BTRC: variants seen among roughly 807,000 people sequenced by gnomAD.
The protein encoded by BTRC is beta-transducin repeat containing E3 ubiquitin protein ligase.
BTRC carries 42 observed loss-of-function variants against 85.5 expected under a neutral mutation model. The ratio of observed to expected loss-of-function variants is 0.49; its 90% CI spans 0.38 to 0.64. BTRC has a LOEUF of 0.64. Ranked by LOEUF, BTRC falls within the 30% of genes least tolerant of loss-of-function variation. BTRC has a pLI of 0.00. For missense variants in BTRC, 594 were observed against 743.5 expected (o/e 0.80, Z 2.34); for synonymous variants, 255 against 263.3 (o/e 0.97, Z 0.30).
At chr10:101,545,012 C>T (rs1468482484) in intron 13 of BTRC, among the ~76,000 whole-genome samples, 1 of 151,056 alleles carries the variant, frequency 6.6e-6, no homozygotes, top group Non-Finnish European at 1.5e-5. Context: ...ACAGATATGC[C>T]ACTGCACTCC....
At chr10:101,404,338 C>T (rs747960816) in intron 1 of BTRC, among the ~76,000 whole-genome samples, 2 of 151,812 alleles carry the variant, frequency 1.3e-5, no homozygotes, top group East Asian at 3.9e-4. Flanking sequence ...CCAATCCTAG[C>T]TATATTACAG....
chr10:101,355,055 T>C (rs1248029896), intron 1 of BTRC, among the ~76,000 whole-genome samples: 1 of 152,024 alleles, frequency 6.6e-6, no homozygotes, highest in African/African-American at 2.4e-5. Context: ...CAGGGAAACA[T>C]GGGTACAGGA....
intron 1 of BTRC, among the ~76,000 whole-genome samples, chr10:101,424,730 G>A (rs1400493513): frequency 6.6e-6 from 1 of 152,168 alleles, no homozygotes; most frequent in Admixed American, 6.5e-5. Context: ...TAAATGAATT[G>A]TGCCATTGAA....
At chr10:101,372,964 C>G (rs1468965590) in intron 1 of BTRC, among the ~76,000 whole-genome samples, 1 of 152,136 alleles carries the variant, frequency 6.6e-6, no homozygotes, top group African/African-American at 2.4e-5. Context: ...GAGCTGAGAT[C>G]TTAACACTAT....
chr10:101,431,296 C>T (rs975541942), intron 2 of BTRC, among the ~76,000 whole-genome samples: 15 of 151,694 alleles, frequency 9.9e-5, no homozygotes, highest in African/African-American at 3.4e-4. Flanking sequence ...AGGCTGGTCT[C>T]GAACTCCTGA....
At chr10:101,463,137 C>T (rs1245291200) in intron 3 of BTRC, among the ~76,000 whole-genome samples, 1 of 152,044 alleles carries the variant, frequency 6.6e-6, no homozygotes, top group Non-Finnish European at 1.5e-5. Context: ...CCTCCACCTC[C>T]AGGGTTCAAG....
At chr10:101,471,735 CTTA>C (rs1213900612) in intron 3 of BTRC, among the ~76,000 whole-genome samples, 2 of 152,018 alleles carry the variant, frequency 1.3e-5, no homozygotes, top group Non-Finnish European at 2.9e-5. Context: ...ATTTTTTAAA[CTTA>C]TTATTTAAAT....
At chr10:101,387,528 C>CTTTTTTTGTTTTTTTTTTTTTTTTT in intron 1 of BTRC, among the ~76,000 whole-genome samples, 1 of 45,122 alleles carries the variant, frequency 2.2e-5, no homozygotes. Flanking sequence ...CTTCATGGGA[C>CTTTTTTTGTTTTTTTTTTTTTTTTT]TTTTTTTTTT....
intron 4 of BTRC, among the ~76,000 whole-genome samples, chr10:101,484,797 G>A (rs915700200): frequency 6.6e-6 from 1 of 152,180 alleles, no homozygotes; most frequent in Non-Finnish European, 1.5e-5. Flanking sequence ...CAAAAAGATA[G>A]GAAGGAACTT....
At chr10:101,546,839 A>G (rs556126404) in intron 13 of BTRC, among the ~76,000 whole-genome samples, 2 of 152,354 alleles carry the variant, frequency 1.3e-5, no homozygotes, top group Admixed American at 1.3e-4. Flanking sequence ...CAGAAATGAA[A>G]GAGATCCCAG....
At chr10:101,428,553 C>T (rs752321458) in intron 1 of BTRC, among the ~76,000 whole-genome samples, 4 of 152,036 alleles carry the variant, frequency 2.6e-5, no homozygotes, top group Non-Finnish European at 4.4e-5. Flanking sequence ...CTTTTGAAGC[C>T]CAGTGTCCAC....
intron 2 of BTRC, among the ~76,000 whole-genome samples, chr10:101,460,384 T>A (rs1945193130): frequency 6.6e-6 from 1 of 152,250 alleles, no homozygotes; most frequent in African/African-American, 2.4e-5. Flanking sequence ...TTCCTCCATT[T>A]TTTGGTAGAT....
At chr10:101,475,242 T>C (rs956742330) in intron 3 of BTRC, among the ~76,000 whole-genome samples, 3 of 152,196 alleles carry the variant, frequency 2.0e-5, no homozygotes, top group Admixed American at 2.0e-4. Context: ...AGGTTTAGCC[T>C]GTTTAAAAGA....
intron 1 of BTRC, among the ~76,000 whole-genome samples, chr10:101,374,423 A>G (rs1225225656): frequency 4.6e-5 from 7 of 151,414 alleles, no homozygotes; most frequent in Admixed American, 1.3e-4. Flanking sequence ...AAAATGTGGC[A>G]CATATACACC....
At chr10:101,364,970 T>A (rs1942324725) in intron 1 of BTRC, 1 of 152,112 alleles carries the variant, frequency 6.6e-6, no homozygotes, top group South Asian at 2.1e-4. Flanking sequence ...ATAGAGGACA[T>A]ATCAGATACT....
At chr10:101,478,022 C>A (rs957334575) in intron 3 of BTRC, among the ~76,000 whole-genome samples, 1 of 152,102 alleles carries the variant, frequency 6.6e-6, no homozygotes, top group Non-Finnish European at 1.5e-5. Context: ...TAGATAGGCC[C>A]AGTGAGGCTG....
intron 1 of BTRC, among the ~76,000 whole-genome samples, chr10:101,401,177 T>C (rs2134000761): frequency 6.6e-6 from 1 of 152,366 alleles, no homozygotes; most frequent in South Asian, 2.1e-4. Flanking sequence ...AGTAATTTTG[T>C]TGTGGCATGA....
chr10:101,428,272 TG>T (rs1944312588), intron 1 of BTRC, among the ~76,000 whole-genome samples: 2 of 152,128 alleles, frequency 1.3e-5, no homozygotes, highest in South Asian at 4.1e-4. Context: ...GAAGGTGAGT[TG>T]ATGTTGGCAG....
At chr10:101,462,152 A>T in intron 3 of BTRC, 94 bp downstream of exon 3, 5 of 1,028,142 alleles carry the variant, frequency 4.9e-6, no homozygotes, top group Non-Finnish European at 7.3e-6. Context: ...TAAGCACTGG[A>T]GCTTATATTA....
Sources: gnomAD v4.1 joint callset for allele counts (sites outside exome capture counted in the v4.1 genomes callset) on GRCh38, gnomAD v4.1.1 for gene constraint, MANE v1.5 for transcripts, NCBI Gene and HGNC (gene_info 2026-07-23, HGNC 2026-07-21) for gene names.